The following XKR6 variants were observed in gnomAD, a reference collection of about 807,000 sequenced individuals.
The protein encoded by XKR6 is XK related 6, also known as XK-related protein 6.
Under a neutral mutation model 56.7 loss-of-function variants are expected in XKR6, and 22 were observed. The ratio of observed to expected loss-of-function variants is 0.39; its 90% confidence interval spans 0.28 to 0.55. The LOEUF is 0.55. Ranked by LOEUF, XKR6 falls within the 20% of genes least tolerant of loss-of-function variation. XKR6 has a pLI of 0.66. For missense variants in XKR6, 852 were observed against 889.0 expected, an observed-to-expected ratio of 0.96 and a Z score of 0.53; for synonymous variants, 524 against 387.8, an observed-to-expected ratio of 1.35 and a Z score of -4.13.
At chr8:11,121,754 T>G (rs1051983793) in intron 1 of XKR6, among the ~76,000 whole-genome samples, 5 of 152,262 alleles carry the variant, frequency 3.3e-5, no homozygotes, top group Non-Finnish European at 7.3e-5. Context: ...ATTGCGGCAC[T>G]ATTCACTATA....
intron 1 of XKR6, among the ~76,000 whole-genome samples, chr8:10,969,961 C>T (rs528306430): frequency 1.0e-3 from 153 of 152,366 alleles, no homozygotes; most frequent in African/African-American, 3.5e-3. Context: ...CTACCGAAAC[C>T]CCATGCTGAC....
At chr8:10,974,108 C>T (rs976648578) in intron 1 of XKR6, among the ~76,000 whole-genome samples, 2 of 152,328 alleles carry the variant, frequency 1.3e-5, no homozygotes, top group East Asian at 3.9e-4. Flanking sequence ...TTGTCATTCT[C>T]TCTCAGTTGG....
intron 1 of XKR6, among the ~76,000 whole-genome samples, chr8:11,112,327 C>T (rs1798940407): frequency 6.6e-6 from 1 of 152,066 alleles, no homozygotes; most frequent in Admixed American, 6.6e-5. Flanking sequence ...AGTCTTTGTG[C>T]TTCTATTACA....
intron 1 of XKR6, among the ~76,000 whole-genome samples, chr8:11,055,574 C>G (rs1799661016): frequency 6.6e-6 from 1 of 152,214 alleles, no homozygotes; most frequent in Admixed American, 6.5e-5. Context: ...AGCACAGCAG[C>G]CCCTCTGGGA....
rs1032111406 is a variant in XKR6, at chr8:11,201,380, C to A, written c.-41G>T. ...AGCTCCGGAGGTTGGGGGGGAGGGACGGCGGGGGGGGGGGGAAGAAGGCAG... is the reference window on the plus strand; with the variant it reads ...AGCTCCGGAGGTTGGGGGGGAGGGAAGGCGGGGGGGGGGGGAAGAAGGCAG... On this transcript the variant is annotated 5_prime_UTR_variant, in exon 1 of 3. Coordinates refer to ENST00000416569, the MANE Select transcript of XKR6 (RefSeq NM_173683.4). The A allele has an allele frequency of 7.0e-5, 9 of 129,368 alleles. No homozygotes were observed. Among genetic ancestry groups the A allele is most frequent in the South Asian group, 4.1e-4 (4 of 9,674 alleles). The allele number at this position is 129,368 out of a possible 1,614,324, so 8.0% of individuals were successfully genotyped here. A position where few individuals can be genotyped will look rare whatever the true frequency, so the allele number is the denominator to read the frequency against.
intron 1 of XKR6, among the ~76,000 whole-genome samples, chr8:11,102,490 TCA>T (rs1200800325): frequency 6.6e-6 from 1 of 152,194 alleles, no homozygotes; most frequent in Non-Finnish European, 1.5e-5. Context: ...TGCTGTACTC[TCA>T]TTCTGAAAAA....
intron 2 of XKR6, among the ~76,000 whole-genome samples, chr8:10,910,377 G>A (rs1388140007): frequency 6.6e-6 from 1 of 152,106 alleles, no homozygotes; most frequent in South Asian, 2.1e-4. Context: ...GTATCCTAAC[G>A]GGCCTGGAGG....
intron 1 of XKR6, among the ~76,000 whole-genome samples, chr8:11,112,559 T>G (rs1316034600): frequency 1.3e-5 from 2 of 152,228 alleles, no homozygotes; most frequent in African/African-American, 4.8e-5. Context: ...CCATGCTACT[T>G]AGACCAGCTT....
intron 1 of XKR6, among the ~76,000 whole-genome samples, chr8:11,126,297 A>C (rs1338052472): frequency 2.0e-5 from 3 of 151,634 alleles, no homozygotes; most frequent in Non-Finnish European, 4.4e-5. Flanking sequence ...TGAACTCCTG[A>C]CCTTGTGATC....
chr8:11,160,069 G>A (rs1057442061), intron 1 of XKR6, among the ~76,000 whole-genome samples: 4 of 152,112 alleles, frequency 2.6e-5, no homozygotes, highest in Non-Finnish European at 5.9e-5. Context: ...CAGTGGTTAA[G>A]ATGCATCATT....
chr8:10,902,591 C>A (rs1383131037), intron 2 of XKR6, among the ~76,000 whole-genome samples: 1 of 152,244 alleles, frequency 6.6e-6, no homozygotes, highest in Non-Finnish European at 1.5e-5. Context: ...AGGTCATCAG[C>A]CTTCTCCAAT....
Position 11,201,071 on chromosome 8 carries a change from C to G in XKR6, c.269G>C (p.Gly90Ala). 2.3e-6 allele frequency: 3 copies of G among 1,329,756 alleles called. No individual in the cohort carries two copies. The highest frequency in any genetic ancestry group is 1.9e-6 in the Non-Finnish European group (2 of 1,042,308). The allele number at this position is 1,329,756 out of a possible 1,614,324, so 82.4% of individuals were successfully genotyped here. A position where few individuals can be genotyped will look rare whatever the true frequency, so the allele number is the denominator to read the frequency against. The stretch of plus-strand genomic sequence containing the variant: ...GGGAGGCTGCAGCGGCTGGTCCCCC[C>G]CGTCGGCGGCGGCGCTGCGGCGCGG... ...RKPRRSAAAD[G>A]GDQPLQPPAA... is the part of the protein sequence containing the mutation. The change falls in exon 1 of 3, where the codon GGG (glycine) becomes GCG (alanine). Residue 90 changes from glycine to alanine, a missense_variant. By Grantham distance (60) the Gly-to-Ala change is moderately conservative (BLOSUM62 0). Around this residue, in one of 4 missense-constraint regions of XKR6, gnomAD observed 417 missense variants for 355.2 expected, o/e 1.17. Transcript: ENST00000416569.
chr8:10,933,706 G>A (rs1214285933), intron 1 of XKR6, among the ~76,000 whole-genome samples: 4 of 148,726 alleles, frequency 2.7e-5, no homozygotes, highest in Non-Finnish European at 5.9e-5. Context: ...TCAGATAGTT[G>A]TAGGTAAGCG....
At chr8:10,933,564 T>G (rs1287500102) in intron 1 of XKR6, among the ~76,000 whole-genome samples, 1 of 111,240 alleles carries the variant, frequency 9.0e-6, no homozygotes, top group East Asian at 2.0e-4. Flanking sequence ...CATCTTGAAT[T>G]GATTTTTGTA....
In XKR6 at chr8:10,952,960, G is replaced by A. The variant is rs192962028; in HGVS notation, c.765-28130C>T. 1.8e-3 allele frequency among the ~76,000 whole-genome samples: 269 copies of A among 152,238 alleles called. 2 individuals carry two copies. Among genetic ancestry groups the A allele is most frequent in the Admixed American group, 0.015 (224 of 15,296 alleles). On this transcript the variant is annotated intron_variant, in intron 1 of 2. Coordinates refer to ENST00000416569, the MANE Select transcript of XKR6 (RefSeq NM_173683.4). ...GACTGTAAACCCTGTTGTGAACTGT[G>A]CCTGCGAGGGATCTAGGCTGCGCGC...
intron 1 of XKR6, among the ~76,000 whole-genome samples, chr8:11,194,033 A>G (rs540290101): frequency 9.2e-5 from 14 of 152,112 alleles, no homozygotes; most frequent in Non-Finnish European, 1.9e-4. Flanking sequence ...GTGACACAAA[A>G]TGAGAATTTG....
chr8:11,042,096 G>A lies in XKR6; in HGVS notation c.765-117266C>T, dbSNP rs145871968. 5.4e-3 allele frequency among the ~76,000 whole-genome samples: 828 copies of A among 152,218 alleles called. 1 individual carries two copies. The highest frequency in any genetic ancestry group is 8.1e-3 in the Non-Finnish European group (550 of 68,010). On this transcript the variant is annotated intron_variant, in intron 1 of 2. Transcript: ENST00000416569. Reference sequence around the variant, plus strand: ...ACACATGCACCTGTCTGATTTTCCCGTTTTTACCAATAGGAGGCATTCTAA... The same window carrying A: ...ACACATGCACCTGTCTGATTTTCCCATTTTTACCAATAGGAGGCATTCTAA...
At position 11,191,701 on chromosome 8, in the gene XKR6, GAAAA is replaced by G. The variant is rs145736616; in HGVS notation, c.764+8871_764+8874del. On this transcript the variant is annotated intron_variant, in intron 1 of 2. Coordinates refer to ENST00000416569, the MANE Select transcript of XKR6 (RefSeq NM_173683.4). ...CACTGGAAAAAAGTCAATGTCATGA[GAAAA>G]AAAAAAAAAAAACAGAGAGGGACTA... Among the ~76,000 whole-genome samples, 16 of 83,542 alleles carry G rather than the reference GAAAA, an allele frequency of 1.9e-4. No homozygotes were observed. In the South Asian group the frequency reaches 6.2e-3, roughly 32 times the overall value. The allele number at this position is 83,542 out of a possible 152,430, so 54.8% of individuals were successfully genotyped here.
chr8:10,940,764 G>A (rs992975268), intron 1 of XKR6, among the ~76,000 whole-genome samples: 12 of 152,192 alleles, frequency 7.9e-5, no homozygotes, highest in South Asian at 2.1e-4. Flanking sequence ...GCTGTACCCC[G>A]AGATGTCACA....
Sources: gnomAD v4.1 joint callset for allele counts (sites outside exome capture counted in the v4.1 genomes callset) on GRCh38, gnomAD v4.1.1 for gene constraint, gnomAD v4.1.1 regional missense constraint, MANE v1.5 for transcripts, NCBI Gene and HGNC (gene_info 2026-07-23, HGNC 2026-07-21) for gene names.